Variants in TENT4A observed in about 807,000 individuals in gnomAD.
TENT4A encodes DNA polymerase kappa.
In TENT4A, 7 loss-of-function variants were observed where a neutral mutation model predicts 72.8. That is an observed-to-expected ratio of 0.10 (90% CI 0.05 to 0.18). The LOEUF (loss-of-function observed/expected upper bound fraction) is 0.18, where lower values mean the gene tolerates loss of function less well. Ranked by LOEUF, TENT4A falls within the 10% of genes least tolerant of loss-of-function variation. The pLI, the probability that TENT4A is intolerant of heterozygous loss-of-function variation, is 1.00. For synonymous variants in TENT4A, 456 were observed against 434.3 expected, an observed-to-expected ratio of 1.05 and a Z score of -0.62; for missense variants, 831 against 1,017.7, an observed-to-expected ratio of 0.82 and a Z score of 2.50.
At position 6,714,024 on chromosome 5, in the gene TENT4A, G is replaced by T; in HGVS notation, c.41G>T (p.Gly14Val). The T allele has an allele frequency of 1.0e-6, 1 of 985,756 alleles. No individual in the cohort carries two copies. Among genetic ancestry groups the T allele is most frequent in the South Asian group, 4.5e-5 (1 of 22,084 alleles). 61.1% of individuals were successfully genotyped at this position (985,756 alleles called of 1,614,324 possible). A position where few individuals can be genotyped will look rare whatever the true frequency, so the allele number is the denominator to read the frequency against. Residue 14 changes from glycine to valine, a missense_variant, in exon 1 of 13, where the codon GGG becomes GTG. Physicochemically the swap from Gly to Val is moderately radical, Grantham distance 109 (BLOSUM62 -3). Coordinates refer to ENST00000230859, the MANE Select transcript of TENT4A (RefSeq NM_006999.6). The part of the protein sequence containing the change: ...RVAWIQPEQK[G>V]PANALWMQIW... ...GCCTGGATCCAGCCCGAGCAGAAGG[G>T]GCCGGCCAATGCCCTGTGGATGCAG...
chr5:6,752,820 G>C, intron 11 of TENT4A, 53 bp from the exon 12 acceptor site: 7 of 1,546,238 alleles, frequency 4.5e-6, no homozygotes, highest in Non-Finnish European at 6.2e-6. Context: ...GAAGCCGGAT[G>C]GTTTTCCTCT....
Position 6,737,585 on chromosome 5 carries a change from G to A in TENT4A, c.792G>A (p.Val264=). Residue 264 remains valine, a synonymous_variant, in exon 2 of 13, where the codon GTG becomes GTA. Coordinates refer to ENST00000230859, the MANE Select transcript of TENT4A (RefSeq NM_006999.6). ...CPEEAAMRRE[V]VKRIETVVKD... is the part of the protein sequence containing the mutation. ...AAGAAGCAGCTATGAGAAGAGAGGT[G>A]GTGAAACGGATCGAAACTGTGGTGA... is the stretch of plus-strand genomic sequence containing the variant. 2 of 1,614,094 alleles carry A rather than the reference G, an allele frequency of 1.2e-6. No homozygotes were observed. The highest frequency in any genetic ancestry group is 1.7e-6 in the Non-Finnish European group (2 of 1,179,968).
At chr5:6,753,082 A>G in intron 12 of TENT4A, 45 bp downstream of exon 12, 2 of 1,523,722 alleles carry the variant, frequency 1.3e-6, no homozygotes, top group Non-Finnish European at 1.8e-6. Context: ...TCAAGCTGCC[A>G]TGTGAGAGGC....
chr5:6,743,687 A>G (rs756831758), intron 5 of TENT4A, 25 bp from the exon 6 acceptor site: 1 of 1,559,316 alleles, frequency 6.4e-7, no homozygotes, highest in Admixed American at 1.7e-5. Flanking sequence ...TTACTCAGTA[A>G]ATCTTTTTCT....
At chr5:6,714,984 ACT>A (rs1279341128) in intron 1 of TENT4A, 7 of 197,022 alleles carry the variant, frequency 3.6e-5, no homozygotes, top group African/African-American at 1.4e-4. Flanking sequence ...CGGGAAATCG[ACT>A]CTCTACCCCT....
chr5:6,756,637 A>G lies in TENT4A; in HGVS notation c.*1692A>G, dbSNP rs1742717060. On this transcript the variant is annotated 3_prime_UTR_variant, in exon 13 of 13. Coordinates refer to ENST00000230859, the MANE Select transcript of TENT4A (RefSeq NM_006999.6). ...GAATAGAGTAGCACACTGTGTCTGC[A>G]GTTCTCGATGACCGAAAGTTATCAA... 1 of 152,590 alleles carries G rather than the reference A, an allele frequency of 6.6e-6. No homozygotes were observed. Among genetic ancestry groups the G allele is most frequent in the Admixed American group, 6.5e-5 (1 of 15,282 alleles). 9.5% of individuals were successfully genotyped at this position (152,590 alleles called of 1,614,324 possible).
chr5:6,752,997 C>G lies in TENT4A; in HGVS notation c.2144C>G (p.Ala715Gly). 6.2e-7 allele frequency: 1 copy of G among 1,614,198 alleles called. No homozygotes were observed. The highest frequency in any genetic ancestry group is 8.5e-7 in the Non-Finnish European group (1 of 1,180,036). The change falls in exon 12 of 13, where the codon GCG becomes GGG. Residue 715 changes from alanine to glycine, a missense_variant. Coordinates refer to ENST00000230859, the MANE Select transcript of TENT4A (RefSeq NM_006999.6). ...HHMSSPAIPS[A>G]SPNPLSSPHL... ...ATGTCTTCCCCGGCCATTCCCTCAG[C>G]GTCCCCCAACCCGCTCTCGAGCCCT...
chr5:6,742,778 T>G (rs549619608), intron 5 of TENT4A, among the ~76,000 whole-genome samples, 181 bp downstream of exon 5: 2 of 152,248 alleles, frequency 1.3e-5, no homozygotes, highest in African/African-American at 4.8e-5. Flanking sequence ...CATAGCTGTT[T>G]TTAAAATTTG....
At chr5:6,725,737 A>G (rs1459289271) in intron 1 of TENT4A, among the ~76,000 whole-genome samples, 3 of 152,230 alleles carry the variant, frequency 2.0e-5, no homozygotes, top group African/African-American at 7.2e-5. Context: ...ACCCAGAAGC[A>G]CAAGCAGGTG....
chr5:6,716,546 TTCCCATCACAGGTAATGGG>T (rs1197273659), intron 1 of TENT4A, among the ~76,000 whole-genome samples: 1 of 152,210 alleles, frequency 6.6e-6, no homozygotes, highest in Non-Finnish European at 1.5e-5. Context: ...CTTGAGTCCT[TTCCCATCACAGGTAATGGG>T]GCAATCTTCT....
chr5:6,746,048 G>A (rs1019507218), intron 6 of TENT4A, 166 bp from the exon 7 acceptor site: 70 of 1,476,838 alleles, frequency 4.7e-5, no homozygotes, highest in South Asian at 2.1e-4. Context: ...AACACTCCTC[G>A]TTGAAGAGGC....
intron 2 of TENT4A, 134 bp from the exon 3 acceptor site, chr5:6,738,549 C>T: frequency 4.2e-6 from 3 of 710,904 alleles, no homozygotes; most frequent in South Asian, 1.7e-5. Context: ...TTATACGGTC[C>T]CCTCCATCAG....
At chr5:6,748,896 T>A (rs1366808372) in intron 8 of TENT4A, among the ~76,000 whole-genome samples, 1 of 152,162 alleles carries the variant, frequency 6.6e-6, no homozygotes, top group Non-Finnish European at 1.5e-5. Context: ...TGTACACTCG[T>A]CCCTTGTTCT....
chr5:6,733,252 T>C (rs1327672957), intron 1 of TENT4A, among the ~76,000 whole-genome samples: 3 of 152,234 alleles, frequency 2.0e-5, no homozygotes, highest in East Asian at 3.8e-4. Context: ...ACTTCCCAGG[T>C]CTCACTGGCC....
chr5:6,728,433 G>C (rs538538201), intron 1 of TENT4A, among the ~76,000 whole-genome samples: 2 of 152,234 alleles, frequency 1.3e-5, no homozygotes, highest in Non-Finnish European at 2.9e-5. Context: ...TGTGGTTGGG[G>C]CACTTGGGAG....
chr5:6,748,680 T>C, intron 8 of TENT4A, 90 bp downstream of exon 8: 3 of 1,344,416 alleles, frequency 2.2e-6, no homozygotes, highest in Non-Finnish European at 2.1e-6. Flanking sequence ...ATGAAATTTA[T>C]GAAGGGATGT....
intron 7 of TENT4A, 138 bp downstream of exon 7, chr5:6,746,565 T>A: frequency 1.5e-6 from 1 of 666,984 alleles, no homozygotes; most frequent in Non-Finnish European, 2.6e-6. Context: ...ACTAACCAGT[T>A]AATAATCACA....
intron 6 of TENT4A, among the ~76,000 whole-genome samples, chr5:6,745,327 T>C (rs1192274723): frequency 6.6e-6 from 1 of 152,138 alleles, no homozygotes; most frequent in African/African-American, 2.4e-5. Flanking sequence ...CTCTGTGTTA[T>C]AAATAGTTTC....
intron 1 of TENT4A, among the ~76,000 whole-genome samples, chr5:6,723,055 AAC>A (rs68052252): frequency 0.36 from 54,936 of 151,980 alleles, 9,979 homozygotes; most frequent in South Asian, 0.44. Context: ...CTCTATTTGA[AAC>A]AGTGTTTGAT....
Sources: gnomAD v4.1 joint callset for allele counts (sites outside exome capture counted in the v4.1 genomes callset) on GRCh38, gnomAD v4.1.1 for gene constraint, MANE v1.5 for transcripts, NCBI Gene and HGNC (gene_info 2026-07-23, HGNC 2026-07-21) for gene names.